RTL4: variants seen among roughly 807,000 people sequenced by gnomAD.
RTL4 encodes the protein retrotransposon Gag-like protein 4.
In RTL4, 4 loss-of-function variants were observed where a neutral mutation model predicts 5.3. That is an observed-to-expected ratio of 0.75 (90% CI 0.37 to 1.72). RTL4 has a LOEUF of 1.72. Ranked by LOEUF, RTL4 falls within the 40% of genes most tolerant of loss-of-function variation. The pLI, the probability that RTL4 is intolerant of heterozygous loss-of-function variation, is 0.04. For missense variants in RTL4, 260 were observed against 227.1 expected (o/e 1.14, Z -0.93); for synonymous variants, 98 against 87.3 (o/e 1.12, Z -0.68).
the RTL4 span, among the ~76,000 whole-genome samples, chrX:112,393,860 T>G: frequency 1.8e-5 from 2 of 111,782 alleles, no homozygotes; most frequent in Non-Finnish European, 3.8e-5. Flanking sequence ...TGCAGCTCCT[T>G]TCCTACAAGT....
At chrX:112,408,637 A>G in the RTL4 span, among the ~76,000 whole-genome samples, 2 of 111,673 alleles carry the variant, frequency 1.8e-5, no homozygotes, top group Non-Finnish European at 3.8e-5. Context: ...ACTTTGAGAA[A>G]TATATCAATA....
the RTL4 span, among the ~76,000 whole-genome samples, chrX:112,091,252 CTCT>C: frequency 9.0e-6 from 1 of 111,020 alleles, no homozygotes; most frequent in Non-Finnish European, 1.9e-5. Context: ...TTTTATTTAT[CTCT>C]TGTCTCATAA....
chrX:112,330,851 C>T, the RTL4 span, among the ~76,000 whole-genome samples: 2 of 110,831 alleles, frequency 1.8e-5, no homozygotes, highest in South Asian at 3.9e-4. Context: ...AAAATAACAC[C>T]GCATATCTAC....
At chrX:112,190,144 CTTT>C in the RTL4 span, among the ~76,000 whole-genome samples, 3 of 28,706 alleles carry the variant, frequency 1.0e-4, no homozygotes, top group Non-Finnish European at 1.9e-4. Context: ...CTGTCCCTTT[CTTT>C]CTTTCTTTCT....
chrX:112,327,506 T>G, the RTL4 span, among the ~76,000 whole-genome samples: 1 of 109,177 alleles, frequency 9.2e-6, no homozygotes, highest in African/African-American at 3.3e-5. Flanking sequence ...TGGGACTATG[T>G]GAAAAGACCA....
chrX:112,139,978 C>T, the RTL4 span, among the ~76,000 whole-genome samples: 2 of 112,112 alleles, frequency 1.8e-5, no homozygotes, highest in Non-Finnish European at 3.8e-5. Context: ...ATTTTGAGGC[C>T]TTCCCAGCCA....
chrX:112,120,304 T>G, the RTL4 span, among the ~76,000 whole-genome samples: 39 of 112,197 alleles, frequency 3.5e-4, no homozygotes, highest in Admixed American at 5.7e-4. Context: ...TGAGACGGAG[T>G]CTGGCTCTGT....
the RTL4 span, among the ~76,000 whole-genome samples, chrX:112,383,230 T>G: frequency 2.6e-3 from 293 of 111,675 alleles, 1 homozygote; most frequent in African/African-American, 7.4e-3. Context: ...TTATATTTTT[T>G]GGGGGTTCTA....
At chrX:112,383,774 C>T in the RTL4 span, among the ~76,000 whole-genome samples, 70 of 111,273 alleles carry the variant, frequency 6.3e-4, no homozygotes, top group Non-Finnish European at 1.2e-3. Flanking sequence ...TTCTCACTTA[C>T]AAGTAGGAGT....
At chrX:112,297,976 T>C in the RTL4 span, among the ~76,000 whole-genome samples, 1 of 111,663 alleles carries the variant, frequency 9.0e-6, no homozygotes, top group Non-Finnish European at 1.9e-5. Context: ...GTATACAAAG[T>C]GCATGAAACT....
the RTL4 span, among the ~76,000 whole-genome samples, chrX:112,132,510 C>CACAT: frequency 1.4e-4 from 15 of 110,261 alleles, no homozygotes; most frequent in South Asian, 3.8e-4. Context: ...CAGAAAAATA[C>CACAT]ACATACATAC....
chrX:112,449,415 G>C, the RTL4 span, among the ~76,000 whole-genome samples: 1 of 105,815 alleles, frequency 9.5e-6, no homozygotes, highest in Admixed American at 1.0e-4. Context: ...AGGGGCTCCT[G>C]TTGGAGCCAA....
chrX:112,248,020 G>A, the RTL4 span, among the ~76,000 whole-genome samples: 3 of 112,314 alleles, frequency 2.7e-5, 1 homozygote, highest in East Asian at 5.6e-4. Context: ...CACCAAAGGA[G>A]TCAACCGGCC....
At chrX:112,431,658 A>G in the RTL4 span, among the ~76,000 whole-genome samples, 2 of 111,664 alleles carry the variant, frequency 1.8e-5, no homozygotes, top group East Asian at 5.7e-4. Flanking sequence ...TGACACATTT[A>G]AGAAGAGTTG....
the RTL4 span, among the ~76,000 whole-genome samples, chrX:112,239,388 G>A: frequency 9.0e-6 from 1 of 111,108 alleles, no homozygotes; most frequent in East Asian, 2.8e-4. Flanking sequence ...ATGGAAGCAG[G>A]GCCCAGTAGG....
chrX:112,248,641 G>T, the RTL4 span, among the ~76,000 whole-genome samples: 1 of 111,707 alleles, frequency 9.0e-6, no homozygotes, highest in African/African-American at 3.3e-5. Context: ...ATTGGGAAAA[G>T]AAATAAGAAG....
the RTL4 span, among the ~76,000 whole-genome samples, chrX:112,175,219 C>A: frequency 2.0e-5 from 2 of 99,962 alleles, no homozygotes; most frequent in African/African-American, 7.3e-5. Context: ...TTAGGTCTAA[C>A]GTTTAAGTCT....
chrX:112,335,467 TAA>T, the RTL4 span, among the ~76,000 whole-genome samples: 4 of 112,016 alleles, frequency 3.6e-5, no homozygotes, highest in East Asian at 1.1e-3. Flanking sequence ...CCTGTTTTCT[TAA>T]AGTTTGTTTT....
At chrX:112,189,336 A>T in the RTL4 span, among the ~76,000 whole-genome samples, 1 of 112,215 alleles carries the variant, frequency 8.9e-6, no homozygotes, top group Non-Finnish European at 1.9e-5. Context: ...ATTTATTTAC[A>T]TTTTAAAAAG....
Sources: gnomAD v4.1 joint callset for allele counts (sites outside exome capture counted in the v4.1 genomes callset) on GRCh38, gnomAD v4.1.1 for gene constraint, MANE v1.5 for transcripts, NCBI Gene and HGNC (gene_info 2026-07-23, HGNC 2026-07-21) for gene names.